PTPRT: variants seen among roughly 807,000 people sequenced by gnomAD.
PTPRT encodes the protein receptor-type tyrosine-protein phosphatase T.
PTPRT carries 56 observed loss-of-function variants against 176.8 expected under a neutral mutation model. That is an observed-to-expected ratio of 0.32 (90% confidence interval 0.26 to 0.40). The LOEUF is 0.40. Ranked by LOEUF, PTPRT falls within the 10% of genes least tolerant of loss-of-function variation. The pLI, the probability that PTPRT is intolerant of heterozygous loss-of-function variation, is 1.00. For missense variants in PTPRT, 1,540 were observed against 1,908.2 expected (o/e 0.81, Z 3.60); for synonymous variants, 783 against 739.0 (o/e 1.06, Z -0.96).
intron 11 of PTPRT, among the ~76,000 whole-genome samples, chr20:42,342,061 A>T (rs746479157): frequency 3.3e-5 from 5 of 152,204 alleles, no homozygotes; most frequent in Non-Finnish European, 7.3e-5. Flanking sequence ...CACCTACATT[A>T]TTTGGGTGTC....
chr20:42,432,862 T>C (rs887955616), intron 9 of PTPRT, among the ~76,000 whole-genome samples: 5 of 152,214 alleles, frequency 3.3e-5, no homozygotes, highest in South Asian at 2.1e-4. Flanking sequence ...CTGATTTATG[T>C]CTTTGCCTGT....
At chr20:42,586,279 C>G (rs1290420665) in intron 7 of PTPRT, among the ~76,000 whole-genome samples, 1 of 152,192 alleles carries the variant, frequency 6.6e-6, no homozygotes, top group Non-Finnish European at 1.5e-5. Context: ...ATAACACACA[C>G]AAGCCTGTTT....
the PTPRT span, among the ~76,000 whole-genome samples, chr20:42,048,576 C>T: frequency 5.9e-5 from 9 of 152,228 alleles, no homozygotes; most frequent in African/African-American, 1.4e-4. Flanking sequence ...GTAGGTGTTC[C>T]GGCCCACTGT....
intron 7 of PTPRT, among the ~76,000 whole-genome samples, chr20:42,614,413 C>A (rs1293579647): frequency 6.6e-6 from 1 of 152,084 alleles, no homozygotes; most frequent in Non-Finnish European, 1.5e-5. Flanking sequence ...TACCTTGTAC[C>A]AATCCAACCA....
At chr20:42,261,189 G>A (rs148154071) in intron 13 of PTPRT, among the ~76,000 whole-genome samples, 3 of 152,230 alleles carry the variant, frequency 2.0e-5, no homozygotes, top group African/African-American at 7.2e-5. Flanking sequence ...ACTCTTCTTT[G>A]CTTCTTCCTA....
chr20:42,297,421 T>C (rs2057403208), intron 12 of PTPRT, among the ~76,000 whole-genome samples: 1 of 152,158 alleles, frequency 6.6e-6, no homozygotes, highest in Admixed American at 6.5e-5. Flanking sequence ...ACATCCCTTA[T>C]CTCAGGTAAG....
chr20:43,000,694 C>G (rs1984513144), intron 1 of PTPRT, among the ~76,000 whole-genome samples: 1 of 151,564 alleles, frequency 6.6e-6, no homozygotes. Flanking sequence ...TCAGAAAAAG[C>G]AACCCAGGAG....
chr20:42,986,206 C>T (rs1324495015), intron 1 of PTPRT, among the ~76,000 whole-genome samples: 1 of 152,216 alleles, frequency 6.6e-6, no homozygotes, highest in African/African-American at 2.4e-5. Flanking sequence ...CCTAAGGCCA[C>T]AGGAAATGGG....
chr20:42,585,468 A>G (rs1438187460), intron 7 of PTPRT, among the ~76,000 whole-genome samples: 1 of 152,132 alleles, frequency 6.6e-6, no homozygotes, highest in Non-Finnish European at 1.5e-5. Flanking sequence ...ACATTCAGAA[A>G]TTCTAGCATT....
At chr20:42,185,835 C>A (rs1990756905) in intron 16 of PTPRT, among the ~76,000 whole-genome samples, 1 of 152,104 alleles carries the variant, frequency 6.6e-6, no homozygotes, top group Non-Finnish European at 1.5e-5. Context: ...CAGTAATAAG[C>A]AGAAAATAAA....
chr20:42,733,763 T>G (rs2146270955), intron 6 of PTPRT, among the ~76,000 whole-genome samples: 1 of 152,328 alleles, frequency 6.6e-6, no homozygotes, highest in South Asian at 2.1e-4. Flanking sequence ...ACATCTTCAC[T>G]TCACAGGAAG....
Position 42,617,697 on chromosome 20 carries a change from T to C in PTPRT, c.1153+60169A>G, listed in dbSNP as rs1454587557. 2.1e-5 allele frequency among the ~76,000 whole-genome samples: 3 copies of C among 139,678 alleles called. 1 individual carries two copies. The highest frequency in any genetic ancestry group is 9.2e-5 in the African/African-American group (3 of 32,470). The allele number at this position is 139,678 out of a possible 152,430, so 91.6% of individuals were successfully genotyped here. On this transcript the variant is annotated intron_variant, in intron 7 of 30. Coordinates refer to ENST00000373187, the MANE Select transcript of PTPRT (RefSeq NM_007050.6). ...GTGTATGTGTTGAGGAGTTTATCCA[T>C]TTCTTCTAGATTTTCTAGTTTATTT...
chr20:42,160,886 C>G (rs938396186), intron 17 of PTPRT, among the ~76,000 whole-genome samples: 2 of 152,112 alleles, frequency 1.3e-5, no homozygotes, highest in Non-Finnish European at 2.9e-5. Flanking sequence ...CAGAATACCA[C>G]AGAAGCTTGA....
At chr20:42,747,066 A>G (rs907539396) in intron 6 of PTPRT, among the ~76,000 whole-genome samples, 1 of 152,224 alleles carries the variant, frequency 6.6e-6, no homozygotes, top group Non-Finnish European at 1.5e-5. Context: ...AAGAAAGACC[A>G]TAAGAGGAGC....
intron 1 of PTPRT, among the ~76,000 whole-genome samples, chr20:42,894,201 C>T (rs1290730566): frequency 2.0e-5 from 3 of 152,062 alleles, no homozygotes; most frequent in African/African-American, 7.2e-5. Flanking sequence ...GTGGAGAAGT[C>T]ATTCAAGGAG....
intron 1 of PTPRT, among the ~76,000 whole-genome samples, chr20:43,146,606 C>T (rs1263058048): frequency 6.6e-6 from 1 of 151,872 alleles, no homozygotes. Flanking sequence ...TGTTCTTCTG[C>T]AGTGGTGTAG....
chr20:42,904,228 G>A (rs1434204124), intron 1 of PTPRT, among the ~76,000 whole-genome samples: 2 of 152,080 alleles, frequency 1.3e-5, no homozygotes, highest in Non-Finnish European at 2.9e-5. Context: ...ATGATCCTAT[G>A]AGAGCAGCCT....
chr20:42,755,748 A>G (rs886690596), intron 6 of PTPRT, among the ~76,000 whole-genome samples: 6 of 152,218 alleles, frequency 3.9e-5, no homozygotes, highest in African/African-American at 1.4e-4. Flanking sequence ...TGTTACATAC[A>G]CAAAGGAAAG....
intron 7 of PTPRT, among the ~76,000 whole-genome samples, chr20:42,610,271 T>C (rs1569015276): frequency 2.0e-5 from 3 of 152,198 alleles, no homozygotes; most frequent in Non-Finnish European, 2.9e-5. Flanking sequence ...ACAAAGGGTG[T>C]CACCCTTGTG....
Sources: gnomAD v4.1 joint callset for allele counts (sites outside exome capture counted in the v4.1 genomes callset) on GRCh38, gnomAD v4.1.1 for gene constraint, MANE v1.5 for transcripts, NCBI Gene and HGNC (gene_info 2026-07-23, HGNC 2026-07-21) for gene names.